TMC2: variants seen among roughly 807,000 people sequenced by gnomAD.
The protein encoded by TMC2 is transmembrane channel like 2.
In TMC2, 102 loss-of-function variants were observed where a neutral mutation model predicts 105.9. The ratio of observed to expected loss-of-function variants is 0.96; its 90% CI spans 0.82 to 1.14. TMC2 has a LOEUF of 1.14. Among genes scored for constraint, TMC2 ranks in the 50% most tolerant of loss-of-function variants. TMC2 has a pLI of 0.00. For synonymous variants in TMC2, 402 were observed against 422.8 expected, an observed-to-expected ratio of 0.95 and a Z score of 0.60; for missense variants, 1,093 against 1,134.3, an observed-to-expected ratio of 0.96 and a Z score of 0.52.
chr20:2,602,157 C>T lies in TMC2; in HGVS notation c.1269C>T (p.Ile423=), dbSNP rs267605863. Residue 423 remains isoleucine (I), a synonymous_variant, in exon 11 of 20, where the codon ATC becomes ATT. Transcript: ENST00000358864. Reference sequence around the variant, plus strand: ...AAGAGAGTAACAAAGAAGAAAATATCCATCTGACAAGATTTCTTCGTGTCC... The same window carrying T: ...AAGAGAGTAACAAAGAAGAAAATATTCATCTGACAAGATTTCTTCGTGTCC... ...DEQESNKEEN[I]HLTRFLRVLA... is the part of the protein sequence containing the mutation. The T allele has an allele frequency of 6.2e-7, 1 of 1,612,246 alleles. No individual in the cohort carries two copies. The highest frequency in any genetic ancestry group is 8.5e-7 in the Non-Finnish European group (1 of 1,179,330).
In TMC2 at chr20:2,558,302, C is replaced by T. The variant is rs1600099653; in HGVS notation, c.83-154C>T. ...CCTTCAGCTTAAAATACTCAACATG[C>T]CAAGGTGCCATACTTTGGGGTGTCC... On this transcript the variant is annotated intron_variant, in intron 2 of 19. Transcript: ENST00000358864. This position sits in a 1 kb window ranked among gnomAD's most constrained non-coding sequence, Gnocchi z 4.6. 34 of 1,443,624 alleles carry T rather than the reference C, an allele frequency of 2.4e-5. No homozygotes were observed. Among genetic ancestry groups the T allele is most frequent in the Non-Finnish European group, 3.0e-5 (33 of 1,095,196 alleles). The allele number at this position is 1,443,624 out of a possible 1,614,324, so 89.4% of individuals were successfully genotyped here.
intron 7 of TMC2, among the ~76,000 whole-genome samples, chr20:2,582,351 C>A (rs1237197709): frequency 6.6e-6 from 1 of 152,146 alleles, no homozygotes; most frequent in Admixed American, 6.5e-5. Flanking sequence ...GGGTTTTCAG[C>A]ATAAGCTAAG....
intron 12 of TMC2, 129 bp downstream of exon 12, chr20:2,610,727 TA>T (rs888961957): frequency 9.6e-5 from 54 of 559,672 alleles, no homozygotes; most frequent in Middle Eastern, 7.1e-4. Context: ...AAAATAAAAT[TA>T]AAAAAAAACT....
chr20:2,590,739 T>C (rs1367477801), intron 7 of TMC2, among the ~76,000 whole-genome samples: 5 of 152,094 alleles, frequency 3.3e-5, no homozygotes, highest in Non-Finnish European at 5.9e-5. Context: ...GGTGATATGA[T>C]TGTAAACCCC....
intron 18 of TMC2, among the ~76,000 whole-genome samples, chr20:2,636,898 A>G (rs2086650884): frequency 1.3e-5 from 2 of 152,066 alleles, no homozygotes; most frequent in African/African-American, 4.8e-5. Flanking sequence ...GGCGTGAGCC[A>G]CCGTGCCCAG....
At chr20:2,639,340 C>T (rs1158165570) in intron 19 of TMC2, among the ~76,000 whole-genome samples, 1 of 152,206 alleles carries the variant, frequency 6.6e-6, no homozygotes, top group Admixed American at 6.5e-5. Context: ...CTGCAAGCTC[C>T]ACTCATGGTC....
At chr20:2,591,761 G>A (rs58913258) in intron 7 of TMC2, among the ~76,000 whole-genome samples, 8,032 of 151,464 alleles carry the variant, frequency 0.053, 630 homozygotes, top group African/African-American at 0.17. Context: ...AAAAGAAAAG[G>A]AAAGGAAAAG....
In TMC2 at chr20:2,643,494, C is replaced by T. The variant is rs778585776; in HGVS notation, c.*2143C>T. 3.9e-5 allele frequency among the ~76,000 whole-genome samples: 6 copies of T among 152,218 alleles called. No homozygotes were observed. Among genetic ancestry groups the T allele is most frequent in the South Asian group, 2.1e-4 (1 of 4,836 alleles). Reference sequence around the variant, plus strand: ...TCTGATGAAGTGTAATTTTATGTGACGGAATGTATATGTCATCTAATGCTG... The same window carrying T: ...TCTGATGAAGTGTAATTTTATGTGATGGAATGTATATGTCATCTAATGCTG... On this transcript the variant is annotated 3_prime_UTR_variant, in exon 20 of 20. Coordinates refer to ENST00000358864, the MANE Select transcript of TMC2 (RefSeq NM_080751.3).
intron 16 of TMC2, 153 bp downstream of exon 16, chr20:2,617,464 G>C (rs998888132): frequency 1.3e-4 from 138 of 1,025,978 alleles, no homozygotes; most frequent in Non-Finnish European, 1.7e-4. Flanking sequence ...AGGGTTTTCT[G>C]CCAGGATGGA....
chr20:2,558,838 C>G lies in TMC2; in HGVS notation c.401+64C>G. 1 of 1,457,208 alleles carries G rather than the reference C, an allele frequency of 6.9e-7. No homozygotes were observed. The highest frequency in any genetic ancestry group is 1.5e-5 in the South Asian group (1 of 68,920). The allele number at this position is 1,457,208 out of a possible 1,614,324, so 90.3% of individuals were successfully genotyped here. A position where few individuals can be genotyped will look rare whatever the true frequency, so the allele number is the denominator to read the frequency against. ...GCTCCCGCTCCTTCGCGGCCCTTCC[C>G]CTTCCCCCGTGAGGGACTGATGCCC... On this transcript the variant is annotated intron_variant, in intron 3 of 19. Transcript: ENST00000358864. The surrounding 1 kb of genome is among the most constrained non-coding windows in gnomAD (Gnocchi z 4.6).
intron 12 of TMC2, among the ~76,000 whole-genome samples, chr20:2,610,998 C>T (rs1351900396): frequency 1.3e-5 from 2 of 152,154 alleles, no homozygotes; most frequent in Non-Finnish European, 2.9e-5. Context: ...AATGGCAGGC[C>T]CTGGGGTAGA....
chr20:2,562,191 G>A (rs2086031833), intron 4 of TMC2, among the ~76,000 whole-genome samples, 181 bp downstream of exon 4: 1 of 152,230 alleles, frequency 6.6e-6, no homozygotes, highest in African/African-American at 2.4e-5. Context: ...AGCACCACAG[G>A]GCCTAGAGGG....
At chr20:2,583,909 G>C (rs576734467) in intron 7 of TMC2, among the ~76,000 whole-genome samples, 4 of 152,274 alleles carry the variant, frequency 2.6e-5, no homozygotes, top group East Asian at 1.9e-4. Flanking sequence ...GAAACAGTGA[G>C]ATAATAATTG....
chr20:2,572,898 G>C (rs77371670), intron 5 of TMC2, among the ~76,000 whole-genome samples: 1,867 of 151,930 alleles, frequency 0.012, 16 homozygotes, highest in Non-Finnish European at 0.016. Context: ...GTAGTTCTAG[G>C]TTCCCCTTTT....
chr20:2,558,348 T>A lies in TMC2; in HGVS notation c.83-108T>A, dbSNP rs2085997381. 2.0e-6 allele frequency: 3 copies of A among 1,507,730 alleles called. No homozygotes were observed. The South Asian group carries it at 3.9e-5, about 20-fold the overall frequency. 93.4% of individuals were successfully genotyped at this position (1,507,730 alleles called of 1,614,324 possible). A position where few individuals can be genotyped will look rare whatever the true frequency, so the allele number is the denominator to read the frequency against. On this transcript the variant is annotated intron_variant, in intron 2 of 19. Transcript: ENST00000358864. This position sits in a 1 kb window ranked among gnomAD's most constrained non-coding sequence, Gnocchi z 4.6. The stretch of plus-strand genomic sequence containing the variant: ...TGTCCTGTTCTGAGCCCCGCAGAGC[T>A]CACAAGCTCTCGGAATCATCTTGGA...
chr20:2,563,059 G>GT (rs1209605412), intron 4 of TMC2, among the ~76,000 whole-genome samples: 5 of 152,102 alleles, frequency 3.3e-5, no homozygotes, highest in Admixed American at 1.3e-4. Context: ...AGGTCCCTCT[G>GT]TTTTTTTGCC....
chr20:2,617,709 CA>C (rs1568526902), intron 16 of TMC2: 1 of 187,830 alleles, frequency 5.3e-6, no homozygotes, highest in African/African-American at 2.4e-5. Context: ...TCACATCAAA[CA>C]TTTATTTTTT....
At chr20:2,563,313 C>T (rs770913955) in intron 4 of TMC2, among the ~76,000 whole-genome samples, 30 of 152,168 alleles carry the variant, frequency 2.0e-4, no homozygotes, top group African/African-American at 6.8e-4. Context: ...CAAATTATTA[C>T]GTCATCTCCT....
chr20:2,624,804 A>G (rs1167184689), intron 17 of TMC2, among the ~76,000 whole-genome samples: 1 of 152,208 alleles, frequency 6.6e-6, no homozygotes, highest in East Asian at 1.9e-4. Context: ...GAGCACACTG[A>G]AAATTTGGGT....
Sources: gnomAD v4.1 joint callset for allele counts (sites outside exome capture counted in the v4.1 genomes callset) on GRCh38, gnomAD v4.1.1 for gene constraint, Gnocchi (gnomAD v3.1) non-coding constraint, MANE v1.5 for transcripts, NCBI Gene and HGNC (gene_info 2026-07-23, HGNC 2026-07-21) for gene names.